The following BRINP3 variants were observed in gnomAD, a reference collection of about 807,000 sequenced individuals.
BRINP3 encodes BMP/retinoic acid inducible neural specific 3, also known as BMP/retinoic acid-inducible neural-specific protein 3.
In BRINP3, 19 loss-of-function variants were observed where a neutral mutation model predicts 71.0. That is an observed-to-expected ratio of 0.27 (90% confidence interval 0.19 to 0.39). The LOEUF (loss-of-function observed/expected upper bound fraction) is 0.39, where lower values mean the gene tolerates loss of function less well. Among genes scored for constraint, BRINP3 ranks in the 10% least tolerant of loss-of-function variants. The pLI is 1.00. For missense variants in BRINP3, 959 were observed against 940.8 expected, an observed-to-expected ratio of 1.02 and a Z score of -0.25; for synonymous variants, 380 against 337.7, an observed-to-expected ratio of 1.13 and a Z score of -1.37.
chr1:190,391,583 A>G (rs1671253671), intron 2 of BRINP3, among the ~76,000 whole-genome samples: 1 of 151,764 alleles, frequency 6.6e-6, no homozygotes, highest in African/African-American at 2.4e-5. Context: ...TTTTAAAGAG[A>G]TACTCGTAAA....
intron 2 of BRINP3, among the ~76,000 whole-genome samples, chr1:190,428,911 A>G (rs1173414996): frequency 6.6e-6 from 1 of 152,154 alleles, no homozygotes; most frequent in Non-Finnish European, 1.5e-5. Context: ...TTCTCAATAC[A>G]TGTTTGTTAA....
intron 2 of BRINP3, among the ~76,000 whole-genome samples, chr1:190,413,194 CGT>C (rs1289227768): frequency 1.1e-4 from 16 of 151,510 alleles, no homozygotes; most frequent in African/African-American, 1.7e-4. Flanking sequence ...CGTGCATGTG[CGT>C]GTGTGTGTGT....
At chr1:190,218,349 C>T (rs764307569) in intron 6 of BRINP3, among the ~76,000 whole-genome samples, 6 of 151,922 alleles carry the variant, frequency 3.9e-5, no homozygotes, top group Non-Finnish European at 8.8e-5. Context: ...GAGATTTATT[C>T]ATATTTTGGA....
chr1:190,122,448 C>T (rs540874238), intron 7 of BRINP3, among the ~76,000 whole-genome samples: 1 of 151,748 alleles, frequency 6.6e-6, no homozygotes, highest in African/African-American at 2.4e-5. Flanking sequence ...TAGGAGATTA[C>T]AGAAACATAG....
intron 2 of BRINP3, among the ~76,000 whole-genome samples, chr1:190,286,185 T>C (rs927199455): frequency 6.6e-6 from 1 of 152,144 alleles, no homozygotes; most frequent in Admixed American, 6.6e-5. Context: ...TTTATGTTTG[T>C]CTGCTAAAAA....
chr1:190,234,328 G>T, intron 5 of BRINP3, 44 bp downstream of exon 5: 2 of 1,397,132 alleles, frequency 1.4e-6, no homozygotes, highest in Non-Finnish European at 2.0e-6. Context: ...CTGGATAATT[G>T]CTATTCAGGC....
chr1:190,107,400 C>T (rs1468411853), intron 7 of BRINP3, among the ~76,000 whole-genome samples: 3 of 151,894 alleles, frequency 2.0e-5, no homozygotes, highest in African/African-American at 7.2e-5. Flanking sequence ...TTTACAGAAT[C>T]GAATGTCCTT....
chr1:190,408,219 T>G (rs985754273), intron 2 of BRINP3, among the ~76,000 whole-genome samples: 1 of 147,812 alleles, frequency 6.8e-6, no homozygotes, highest in Non-Finnish European at 1.5e-5. Flanking sequence ...TTTTTTTTTG[T>G]ATTTTTAGTA....
chr1:190,465,551 A>G (rs2102682592), intron 1 of BRINP3, among the ~76,000 whole-genome samples: 1 of 152,042 alleles, frequency 6.6e-6, no homozygotes, highest in East Asian at 1.9e-4. Context: ...GTGATATCTG[A>G]CCACCCTGGC....
rs562883628 is a variant in BRINP3 at position 190,462,602 on chromosome 1, C to T, written c.-50-7662G>A. Among the ~76,000 whole-genome samples the T allele has an allele frequency of 5.3e-5, 8 of 152,204 alleles. No individual in the cohort carries two copies. The South Asian group carries it at 1.2e-3, about 24-fold the overall frequency. ...AAGAAAATGATGATAAAATGAAATG[C>T]TATTTTTATTTTCTTCACAACAAAA... is the stretch of plus-strand genomic sequence containing the variant. On this transcript the variant is annotated intron_variant, in intron 1 of 7. Transcript: ENST00000367462.
chr1:190,448,112 A>G (rs1032320794), intron 2 of BRINP3, among the ~76,000 whole-genome samples: 3 of 151,686 alleles, frequency 2.0e-5, no homozygotes, highest in Admixed American at 1.3e-4. Context: ...AGAATTTCCT[A>G]TTGTATTGAA....
chr1:190,280,853 T>C (rs1004479104), intron 3 of BRINP3, among the ~76,000 whole-genome samples: 1 of 151,970 alleles, frequency 6.6e-6, no homozygotes, highest in African/African-American at 2.4e-5. Context: ...AATTCTGGGA[T>C]ATTTTTTAAT....
At chr1:190,212,621 C>T (rs1656081807) in intron 6 of BRINP3, among the ~76,000 whole-genome samples, 1 of 152,122 alleles carries the variant, frequency 6.6e-6, no homozygotes, top group Admixed American at 6.6e-5. Context: ...ATCATCTTCT[C>T]CTCCAGGCAA....
At chr1:190,212,026 G>A (rs1656031591) in intron 6 of BRINP3, among the ~76,000 whole-genome samples, 1 of 152,046 alleles carries the variant, frequency 6.6e-6, no homozygotes, top group African/African-American at 2.4e-5. Context: ...AGTGCAATGA[G>A]CATATCATCA....
chr1:190,376,142 T>A (rs1254425277), intron 2 of BRINP3, among the ~76,000 whole-genome samples: 2 of 151,918 alleles, frequency 1.3e-5, no homozygotes, highest in Non-Finnish European at 1.5e-5. Flanking sequence ...TTAGTAGGCA[T>A]AATTTATGAA....
intron 1 of BRINP3, among the ~76,000 whole-genome samples, chr1:190,469,931 T>A (rs918858262): frequency 4.6e-5 from 7 of 151,120 alleles, no homozygotes; most frequent in Admixed American, 1.3e-4. Flanking sequence ...TTTAATTTAA[T>A]CACATTTTTT....
At chr1:190,458,302 A>C (rs960563472) in intron 1 of BRINP3, among the ~76,000 whole-genome samples, 1 of 152,122 alleles carries the variant, frequency 6.6e-6, no homozygotes, top group Non-Finnish European at 1.5e-5. Context: ...AACTTTATAA[A>C]GATATTTTGT....
intron 6 of BRINP3, among the ~76,000 whole-genome samples, chr1:190,162,018 G>C (rs780536664): frequency 7.2e-5 from 11 of 152,036 alleles, no homozygotes; most frequent in Non-Finnish European, 4.4e-5. Context: ...TAAGTACAGA[G>C]TTCTGGCATC....
chr1:190,345,226 T>C (rs915918294), intron 2 of BRINP3, among the ~76,000 whole-genome samples: 1 of 151,848 alleles, frequency 6.6e-6, no homozygotes, highest in African/African-American at 2.4e-5. Context: ...CAGTTGTGCA[T>C]GTTCATAATC....
Sources: allele counts gnomAD v4.1 joint callset (sites outside exome capture counted in the v4.1 genomes callset), GRCh38; gene constraint gnomAD v4.1.1; transcripts MANE v1.5; gene names NCBI Gene and HGNC (gene_info 2026-07-23, HGNC 2026-07-21).